Variants in EMCN observed in about 807,000 individuals in gnomAD.
The protein encoded by EMCN is MUC-14.
EMCN carries 37 observed loss-of-function variants against 38.4 expected under a neutral mutation model. That is an observed-to-expected ratio of 0.96 (90% CI 0.74 to 1.27). The LOEUF (loss-of-function observed/expected upper bound fraction) is 1.27, where lower values mean the gene tolerates loss of function less well. Among genes scored for constraint, EMCN ranks in the 50% most tolerant of loss-of-function variants. The pLI is 0.00. For synonymous variants in EMCN, 95 were observed against 100.8 expected (o/e 0.94, Z 0.35); for missense variants, 318 against 302.8 (o/e 1.05, Z -0.37).
chr4:100,516,745 GGGAGGGATGTACTTAT>G (rs372250653), intron 1 of EMCN, among the ~76,000 whole-genome samples: 10 of 152,158 alleles, frequency 6.6e-5, no homozygotes, highest in African/African-American at 2.4e-4. Context: ...ATGTTGTTCA[GGGAGGGATGTACTTAT>G]TTTCTTCCGA....
At position 100,478,928 on chromosome 4, in the gene EMCN, G is replaced by A. The variant is rs1244087279; in HGVS notation, c.187+989C>T. Among the ~76,000 whole-genome samples, 3 of 152,156 alleles carry A rather than the reference G, an allele frequency of 2.0e-5. No individual in the cohort carries two copies. In the East Asian group the frequency reaches 5.8e-4, roughly 29 times the overall value. On this transcript the variant is annotated intron_variant, in intron 2 of 11. Coordinates refer to ENST00000296420, the MANE Select transcript of EMCN (RefSeq NM_016242.4). ...CTATGCACTTGCTTCAAAGAAGGAT[G>A]CTTCAGTGTTCTGCTATGGAGGGCC...
At chr4:100,436,149 C>T (rs1393756430) in intron 5 of EMCN, among the ~76,000 whole-genome samples, 1 of 151,702 alleles carries the variant, frequency 6.6e-6, no homozygotes, top group Non-Finnish European at 1.5e-5. Context: ...GTGTAATATC[C>T]AGACCCTACA....
chr4:100,429,932 T>C (rs1182798418), intron 5 of EMCN, among the ~76,000 whole-genome samples: 1 of 152,148 alleles, frequency 6.6e-6, no homozygotes, highest in African/African-American at 2.4e-5. Flanking sequence ...ACCCTTTCTG[T>C]TTTCTTTCTA....
chr4:100,433,097 T>C (rs1727248911), intron 5 of EMCN, among the ~76,000 whole-genome samples: 1 of 152,206 alleles, frequency 6.6e-6, no homozygotes, highest in Non-Finnish European at 1.5e-5. Context: ...GCTGCTACTT[T>C]GTATCCTCTA....
chr4:100,475,679 T>A (rs1028771537), intron 2 of EMCN, among the ~76,000 whole-genome samples: 1 of 126,948 alleles, frequency 7.9e-6, no homozygotes, highest in East Asian at 2.2e-4. Context: ...TTTTTTTTTT[T>A]TTTTTTTTTT....
At position 100,396,918 on chromosome 4, in the gene EMCN, C is replaced by G. The variant is rs1394743544; in HGVS notation, c.*1495G>C. 3 of 151,046 alleles carry G rather than the reference C, an allele frequency of 2.0e-5. No individual in the cohort carries two copies. Among genetic ancestry groups the G allele is most frequent in the African/African-American group, 7.3e-5 (3 of 41,092 alleles). The allele number at this position is 151,046 out of a possible 1,614,324, so 9.4% of individuals were successfully genotyped here. ...ATAGTGGAGATCCCTGCCTTCTTCT[C>G]TCCTCTCTTCCTTTCCTTTCTTTCT... On this transcript the variant is annotated 3_prime_UTR_variant, in exon 12 of 12. Coordinates refer to ENST00000296420, the MANE Select transcript of EMCN (RefSeq NM_016242.4).
At chr4:100,475,658 C>CATTTTT (rs1728617733) in intron 2 of EMCN, among the ~76,000 whole-genome samples, 3 of 108,092 alleles carry the variant, frequency 2.8e-5, no homozygotes, top group African/African-American at 3.7e-5. Flanking sequence ...CAATTCTAGT[C>CATTTTT]CTTTTTTTTT....
At chr4:100,497,833 A>G (rs1729250317) in intron 1 of EMCN, among the ~76,000 whole-genome samples, 1 of 152,216 alleles carries the variant, frequency 6.6e-6, no homozygotes, top group Admixed American at 6.5e-5. Flanking sequence ...AAAAGAGCAA[A>G]AAAGATACAT....
At chr4:100,459,600 C>T (rs1728119614) in intron 4 of EMCN, among the ~76,000 whole-genome samples, 1 of 152,110 alleles carries the variant, frequency 6.6e-6, no homozygotes. Context: ...CCTCCAGCTT[C>T]TAGTAACTAC....
At chr4:100,440,602 G>GGT (rs1019193786) in intron 5 of EMCN, among the ~76,000 whole-genome samples, 7 of 151,634 alleles carry the variant, frequency 4.6e-5, no homozygotes, top group African/African-American at 1.5e-4. Context: ...AGTATTCTAT[G>GGT]GTGTGTGTGT....
At chr4:100,459,142 C>A (rs2110256670) in intron 4 of EMCN, among the ~76,000 whole-genome samples, 1 of 144,702 alleles carries the variant, frequency 6.9e-6, no homozygotes, top group East Asian at 2.1e-4. Context: ...GACAACTCCT[C>A]CTAGCTGGAG....
chr4:100,517,269 A>G (rs1455947702), intron 1 of EMCN, among the ~76,000 whole-genome samples: 3 of 151,994 alleles, frequency 2.0e-5, no homozygotes, highest in Non-Finnish European at 4.4e-5. Flanking sequence ...AAATGTATGT[A>G]TATGTTTAGA....
At chr4:100,470,857 G>T (rs1728457921) in intron 3 of EMCN, among the ~76,000 whole-genome samples, 1 of 151,672 alleles carries the variant, frequency 6.6e-6, no homozygotes, top group African/African-American at 2.4e-5. Flanking sequence ...CACATAGAGG[G>T]GTCAAGGAAT....
chr4:100,431,980 T>C (rs1450366081), intron 5 of EMCN, among the ~76,000 whole-genome samples: 6 of 152,142 alleles, frequency 3.9e-5, no homozygotes, highest in Admixed American at 3.3e-4. Flanking sequence ...CTCTTATCAA[T>C]GAAATCAAAA....
At chr4:100,509,814 G>A (rs1475352859) in intron 1 of EMCN, among the ~76,000 whole-genome samples, 2 of 152,108 alleles carry the variant, frequency 1.3e-5, no homozygotes, top group East Asian at 3.8e-4. Context: ...GCAGTTAAAG[G>A]CCCAACTAGT....
intron 2 of EMCN, among the ~76,000 whole-genome samples, chr4:100,479,043 C>T (rs1040127134): frequency 7.2e-5 from 11 of 152,136 alleles, no homozygotes; most frequent in African/African-American, 2.7e-4. Flanking sequence ...TACTCTTTGT[C>T]TCTGAGAATC....
chr4:100,430,899 C>T (rs1044890922), intron 5 of EMCN, among the ~76,000 whole-genome samples: 1 of 152,164 alleles, frequency 6.6e-6, no homozygotes, highest in Non-Finnish European at 1.5e-5. Context: ...CTAGATATTA[C>T]TCTGCTAGAG....
intron 4 of EMCN, among the ~76,000 whole-genome samples, chr4:100,458,661 G>C (rs1728084009): frequency 6.6e-6 from 1 of 152,060 alleles, no homozygotes; most frequent in African/African-American, 2.4e-5. Context: ...AAGTCAGAAG[G>C]CCTAAAACTA....
intron 11 of EMCN, among the ~76,000 whole-genome samples, chr4:100,402,374 A>C (rs944833447): frequency 7.9e-5 from 12 of 152,148 alleles, no homozygotes; most frequent in African/African-American, 2.9e-4. Context: ...ATGAGGGTTC[A>C]AGACTTTTTA....
Sources: allele counts gnomAD v4.1 joint callset (sites outside exome capture counted in the v4.1 genomes callset), GRCh38; gene constraint gnomAD v4.1.1; transcripts MANE v1.5; gene names NCBI Gene and HGNC (gene_info 2026-07-23, HGNC 2026-07-21).